PPP3CA: variants seen among roughly 807,000 people sequenced by gnomAD.
PPP3CA encodes the protein protein phosphatase 3 catalytic subunit alpha.
In PPP3CA, 14 loss-of-function variants were observed where a neutral mutation model predicts 66.5. The observed-to-expected ratio is 0.21, with a 90% CI of 0.14 to 0.33. PPP3CA has a LOEUF of 0.33. Among genes scored for constraint, PPP3CA ranks in the 10% least tolerant of loss-of-function variants. PPP3CA has a pLI of 1.00. For synonymous variants in PPP3CA, 232 were observed against 226.2 expected, an observed-to-expected ratio of 1.03 and a Z score of -0.23; for missense variants, 317 against 639.5, an observed-to-expected ratio of 0.50 and a Z score of 5.44.
intron 2 of PPP3CA, among the ~76,000 whole-genome samples, chr4:101,195,588 T>C (rs1188890828): frequency 1.3e-5 from 2 of 152,188 alleles, no homozygotes; most frequent in African/African-American, 2.4e-5. Flanking sequence ...CGGGATACTT[T>C]GTCTAATCTT....
chr4:101,135,862 T>C (rs1201033420), intron 2 of PPP3CA, among the ~76,000 whole-genome samples: 2 of 151,668 alleles, frequency 1.3e-5, no homozygotes, highest in African/African-American at 2.4e-5. Flanking sequence ...TCTCCACTCA[T>C]GGCAACTTAC....
intron 2 of PPP3CA, among the ~76,000 whole-genome samples, chr4:101,195,398 TAAGACACAGATTGTTGG>T (rs1724757001): frequency 1.3e-5 from 2 of 152,124 alleles, no homozygotes; most frequent in East Asian, 3.8e-4. Context: ...GAGGGCTGGA[TAAGACACAGATTGTTGG>T]GTCTCACCCC....
intron 1 of PPP3CA, among the ~76,000 whole-genome samples, chr4:101,246,150 T>G (rs1421015981): frequency 6.6e-6 from 1 of 152,210 alleles, no homozygotes; most frequent in Non-Finnish European, 1.5e-5. Context: ...AAATAAAGTA[T>G]CTACATGTCT....
intron 2 of PPP3CA, among the ~76,000 whole-genome samples, chr4:101,133,785 C>T (rs1007355322): frequency 1.3e-5 from 2 of 152,018 alleles, no homozygotes; most frequent in Non-Finnish European, 2.9e-5. Flanking sequence ...CCCATATAAC[C>T]AAGACAATCC....
intron 2 of PPP3CA, among the ~76,000 whole-genome samples, chr4:101,128,401 A>C (rs188146283): frequency 3.1e-3 from 468 of 152,200 alleles, no homozygotes; most frequent in Non-Finnish European, 4.7e-3. Context: ...ATATGGACAC[A>C]ATTATCATTT....
chr4:101,058,429 G>T (rs892482912), intron 10 of PPP3CA, among the ~76,000 whole-genome samples: 2 of 152,114 alleles, frequency 1.3e-5, no homozygotes, highest in Non-Finnish European at 2.9e-5. Context: ...TTTCTAGCTG[G>T]TAAGAGCAGG....
chr4:101,313,945 ATCTTC>A (rs1157662583), intron 1 of PPP3CA, among the ~76,000 whole-genome samples: 1 of 152,238 alleles, frequency 6.6e-6, no homozygotes, highest in African/African-American at 2.4e-5. Flanking sequence ...ATCCCAAAAG[ATCTTC>A]TCTTCTAAGG....
At chr4:101,152,304 T>A (rs985606907) in intron 2 of PPP3CA, among the ~76,000 whole-genome samples, 2 of 152,198 alleles carry the variant, frequency 1.3e-5, no homozygotes, top group African/African-American at 4.8e-5. Flanking sequence ...TAAATCCTTA[T>A]GAAACTTGAT....
chr4:101,346,203 G>C (rs1729986775), intron 1 of PPP3CA, among the ~76,000 whole-genome samples: 1 of 152,026 alleles, frequency 6.6e-6, no homozygotes, highest in East Asian at 1.9e-4. Flanking sequence ...GGGAGGGGGA[G>C]GGGGGCGCGG....
intron 1 of PPP3CA, among the ~76,000 whole-genome samples, chr4:101,216,959 A>G (rs1478449365): frequency 6.6e-6 from 1 of 152,168 alleles, no homozygotes; most frequent in Non-Finnish European, 1.5e-5. Flanking sequence ...TTTCCTTCCT[A>G]AAGTCACGTT....
At chr4:101,129,139 G>A (rs1722343285) in intron 2 of PPP3CA, among the ~76,000 whole-genome samples, 1 of 152,168 alleles carries the variant, frequency 6.6e-6, no homozygotes, top group Non-Finnish European at 1.5e-5. Flanking sequence ...GGGAAATTCA[G>A]ACTGGGCAGA....
At chr4:101,179,409 C>T (rs1168706662) in intron 2 of PPP3CA, among the ~76,000 whole-genome samples, 1 of 152,044 alleles carries the variant, frequency 6.6e-6, no homozygotes, top group Non-Finnish European at 1.5e-5. Context: ...TTCACTTTGT[C>T]CCTGGACACC....
chr4:101,341,675 T>C (rs990217222), intron 1 of PPP3CA, among the ~76,000 whole-genome samples: 9 of 152,138 alleles, frequency 5.9e-5, no homozygotes, highest in African/African-American at 1.9e-4. Context: ...CTTTTATGTA[T>C]AGAGAAAGTT....
chr4:101,070,056 T>C (rs1457415083), intron 8 of PPP3CA, among the ~76,000 whole-genome samples: 1 of 152,188 alleles, frequency 6.6e-6, no homozygotes, highest in Non-Finnish European at 1.5e-5. Flanking sequence ...CAATTCTGTA[T>C]GTGTTTCCAT....
intron 1 of PPP3CA, among the ~76,000 whole-genome samples, chr4:101,204,968 T>A (rs1257394063): frequency 6.7e-6 from 1 of 149,480 alleles, no homozygotes; most frequent in Non-Finnish European, 1.5e-5. Context: ...CTATCTTGGA[T>A]CTCCATACTA....
chr4:101,299,168 G>A (rs1009125408), intron 1 of PPP3CA, among the ~76,000 whole-genome samples: 4 of 133,702 alleles, frequency 3.0e-5, no homozygotes, highest in Admixed American at 8.2e-5. Context: ...GCCCAGGCTG[G>A]TCTTGAACTC....
chr4:101,074,758 A>C (rs958290145), intron 8 of PPP3CA, among the ~76,000 whole-genome samples: 1 of 152,226 alleles, frequency 6.6e-6, no homozygotes, highest in Non-Finnish European at 1.5e-5. Context: ...TTTATCAGCA[A>C]TTATATCAAG....
rs190111453 is a variant in PPP3CA at position 101,307,943 on chromosome 4, A to G, written c.58+38796T>C. Among the ~76,000 whole-genome samples, 266 of 152,354 alleles carry G rather than the reference A, an allele frequency of 1.7e-3. 1 individual carries two copies. The highest frequency in any genetic ancestry group is 6.2e-3 in the African/African-American group (257 of 41,582). ...CTTCCACTTCACGATTTGAATCCTT[A>G]TTGTAAACCTATTGAATCTGTTACC... On this transcript the variant is annotated intron_variant, in intron 1 of 13. Coordinates refer to ENST00000394854, the MANE Select transcript of PPP3CA (RefSeq NM_000944.5).
chr4:101,080,897 A>T (rs1430804412), intron 7 of PPP3CA, among the ~76,000 whole-genome samples: 1 of 152,188 alleles, frequency 6.6e-6, no homozygotes, highest in Non-Finnish European at 1.5e-5. Context: ...GGTGGAATTC[A>T]TTGGAAAATC....
Sources: allele counts gnomAD v4.1 joint callset (sites outside exome capture counted in the v4.1 genomes callset), GRCh38; gene constraint gnomAD v4.1.1; transcripts MANE v1.5; gene names NCBI Gene and HGNC (gene_info 2026-07-23, HGNC 2026-07-21).